Variants in PIGN observed in about 807,000 individuals in gnomAD.
The protein encoded by PIGN is phosphatidylinositol glycan anchor biosynthesis class N, also known as GPI ethanolamine phosphate transferase 1.
In PIGN, 117 loss-of-function variants were observed where a neutral mutation model predicts 125.4. That is an observed-to-expected ratio of 0.93 (90% CI 0.80 to 1.09). The LOEUF (loss-of-function observed/expected upper bound fraction) is 1.09. Ranked by LOEUF, PIGN falls within the 50% of genes least tolerant of loss-of-function variation. The pLI is 0.00. For missense variants in PIGN, 1,075 were observed against 1,094.9 expected (o/e 0.98, Z 0.26); for synonymous variants, 392 against 377.8 (o/e 1.04, Z -0.44).
chr18:62,049,782 T>C (rs1378065392), intron 30 of PIGN, among the ~76,000 whole-genome samples: 4 of 152,028 alleles, frequency 2.6e-5, no homozygotes, highest in African/African-American at 9.7e-5. Context: ...TCCATGCCTA[T>C]GTCCTGAATG....
intron 23 of PIGN, among the ~76,000 whole-genome samples, chr18:62,091,715 C>T (rs1446347703): frequency 6.6e-6 from 1 of 152,156 alleles, no homozygotes. Flanking sequence ...CTTTTCTAAA[C>T]AGTTTCCGCT....
chr18:62,054,617 G>A (rs1037853152), intron 30 of PIGN, among the ~76,000 whole-genome samples: 1 of 149,904 alleles, frequency 6.7e-6, no homozygotes, highest in Non-Finnish European at 1.5e-5. Flanking sequence ...TCAGCCTCCT[G>A]AGTAGCTGAG....
At chr18:62,079,860 T>G (rs987922983) in intron 28 of PIGN, among the ~76,000 whole-genome samples, 1 of 152,108 alleles carries the variant, frequency 6.6e-6, no homozygotes, top group Non-Finnish European at 1.5e-5. Context: ...AATTTACTTC[T>G]ACTTCATATA....
intron 14 of PIGN, among the ~76,000 whole-genome samples, chr18:62,134,438 T>C (rs2035854210): frequency 6.6e-6 from 1 of 152,034 alleles, no homozygotes; most frequent in African/African-American, 2.4e-5. Context: ...CTCTGACGAA[T>C]TCAACTAAAG....
At chr18:62,158,148 G>T in intron 4 of PIGN, 1 of 194,424 alleles carries the variant, frequency 5.1e-6, no homozygotes, top group South Asian at 1.1e-4. Context: ...ATGTTAAATT[G>T]CATTAGGTGT....
At chr18:62,058,096 G>A (rs1357655366) in intron 30 of PIGN, among the ~76,000 whole-genome samples, 1 of 151,652 alleles carries the variant, frequency 6.6e-6, no homozygotes, top group Admixed American at 6.6e-5. Flanking sequence ...GGCCTTCAAA[G>A]ACTCTTTCTT....
Position 62,139,015 on chromosome 18 carries a change from T to C in PIGN, c.1084A>G (p.Thr362Ala). 1.2e-6 allele frequency: 2 copies of C among 1,609,996 alleles called. No homozygotes were observed. The highest frequency in any genetic ancestry group is 1.7e-6 in the Non-Finnish European group (2 of 1,177,724). ...TDLFKAESMF[T>A]NAVQILEQFK... ...TGTTCAAGAATCTGTACTGCATTTG[T>C]AAACATGCTCTCTGCTTTGAAGAGA... The change falls in exon 13 of 31, where the codon ACA becomes GCA. Residue 362 changes from threonine to alanine, a missense_variant. Thr to Ala is a moderately conservative substitution (Grantham distance 58, BLOSUM62 0). Coordinates refer to ENST00000640252, the MANE Select transcript of PIGN (RefSeq NM_176787.5).
intron 28 of PIGN, among the ~76,000 whole-genome samples, chr18:62,078,047 C>T (rs1490352287): frequency 6.6e-6 from 1 of 152,152 alleles, no homozygotes; most frequent in Non-Finnish European, 1.5e-5. Context: ...TTTTAGTTAC[C>T]TATTGAAAGG....
chr18:62,114,728 T>A (rs2035022922), intron 14 of PIGN, 89 bp from the exon 15 acceptor site: 2 of 578,638 alleles, frequency 3.5e-6, no homozygotes, highest in Admixed American at 8.0e-5. Flanking sequence ...ACAAAGATAG[T>A]GAAAATTACA....
intron 23 of PIGN, among the ~76,000 whole-genome samples, chr18:62,019,463 A>G (rs1470989841): frequency 6.6e-6 from 1 of 152,388 alleles, no homozygotes; most frequent in East Asian, 1.9e-4. Context: ...AGTTAGGGGA[A>G]ATTACCTGGG....
intron 30 of PIGN, chr18:62,069,961 T>C (rs1306237427): frequency 3.3e-5 from 5 of 153,116 alleles, no homozygotes; most frequent in Admixed American, 1.3e-4. Context: ...ATGTCTAAAA[T>C]GAAAATAATC....
intron 30 of PIGN, among the ~76,000 whole-genome samples, chr18:62,065,788 T>C (rs1230475395): frequency 6.6e-6 from 1 of 151,978 alleles, no homozygotes; most frequent in Non-Finnish European, 1.5e-5. Context: ...GCTCAGTAAG[T>C]GGTTGTTGAA....
At chr18:62,148,566 G>A (rs2036420406) in intron 7 of PIGN, among the ~76,000 whole-genome samples, 3 of 152,096 alleles carry the variant, frequency 2.0e-5, no homozygotes, top group Admixed American at 2.0e-4. Flanking sequence ...AAAAAAAGAT[G>A]TTAGAAAGGG....
In PIGN at chr18:62,107,138, T is replaced by A. The variant is rs140914516; in HGVS notation, c.1575-53A>T. 1.6e-4 allele frequency: 175 copies of A among 1,111,664 alleles called. No individual in the cohort carries two copies. The African/African-American group carries it at 2.4e-3, about 15-fold the overall frequency. 68.9% of individuals were successfully genotyped at this position (1,111,664 alleles called of 1,614,324 possible). On this transcript the variant is annotated intron_variant, in intron 17 of 30. Coordinates refer to ENST00000640252, the MANE Select transcript of PIGN (RefSeq NM_176787.5). Reference sequence around the variant, plus strand: ...TTTTAAAGTTAGGTCATACATAGTATAACAATACAAACTTTGCACAAAGCT... The same window carrying A: ...TTTTAAAGTTAGGTCATACATAGTAAAACAATACAAACTTTGCACAAAGCT...
chr18:62,068,346 T>A (rs898266846), intron 30 of PIGN, among the ~76,000 whole-genome samples: 1 of 152,186 alleles, frequency 6.6e-6, no homozygotes, highest in African/African-American at 2.4e-5. Context: ...GCCATACCTG[T>A]CTGTAGTTTC....
At chr18:62,085,455 G>T (rs1392859498) in intron 25 of PIGN, among the ~76,000 whole-genome samples, 191 bp from the exon 26 acceptor site, 1 of 152,118 alleles carries the variant, frequency 6.6e-6, no homozygotes, top group Non-Finnish European at 1.5e-5. Flanking sequence ...AAGAGGCTGT[G>T]TACCGAGAAT....
At position 62,106,839 on chromosome 18, in the gene PIGN, T is replaced by G. The variant is rs2034659994; in HGVS notation, c.1717A>C (p.Thr573Pro). Residue 573 changes from threonine (T) to proline (P), a missense_variant, in exon 19 of 31, where the codon ACT (threonine) becomes CCT (proline). By Grantham distance (38) the Thr-to-Pro change is conservative (BLOSUM62 -1). This residue lies in a region of PIGN where 915 missense variants were observed against 908.7 expected (regional missense o/e 1.01). Transcript: ENST00000640252. Reference sequence around the variant, plus strand: ...AGAAATGGCCAAGCTGCAAAGGCAGTAAGTCCAGCGGTAAGCATATAGCGG... The same window carrying G: ...AGAAATGGCCAAGCTGCAAAGGCAGGAAGTCCAGCGGTAAGCATATAGCGG... The part of the protein sequence containing the change: ...FYRYMLTAGL[T>P]AFAAWPFLTR... The G allele has an allele frequency of 6.2e-7, 1 of 1,609,512 alleles. No individual in the cohort carries two copies. The highest frequency in any genetic ancestry group is 1.7e-5 in the Admixed American group (1 of 59,486).
At chr18:62,184,386 G>A (rs564898478) in intron 1 of PIGN, 52 of 152,304 alleles carry the variant, frequency 3.4e-4, no homozygotes, top group East Asian at 1.5e-3. Flanking sequence ...AAGTAGAAAG[G>A]AAATTTCCCA....
In PIGN at chr18:62,140,429, A is replaced by T; in HGVS notation, c.1014T>A (p.Leu338=). The change falls in exon 12 of 31, where the codon CTT becomes CTA. Residue 338 remains leucine (L), a synonymous_variant. Coordinates refer to ENST00000640252, the MANE Select transcript of PIGN (RefSeq NM_176787.5). ...AAATTTTATTCCTTACCACTGAGTT[A>T]AGAGGAAAGGGAACTCCAATAAGGG... The part of the protein sequence containing the change: ...MTSLIGVPFP[L]NSVGILPVDY... 1 of 1,493,704 alleles carries T rather than the reference A, an allele frequency of 6.7e-7. No individual in the cohort carries two copies. The highest frequency in any genetic ancestry group is 2.3e-5 in the East Asian group (1 of 43,400). 92.5% of individuals were successfully genotyped at this position (1,493,704 alleles called of 1,614,324 possible). A position where few individuals can be genotyped will look rare whatever the true frequency, so the allele number is the denominator to read the frequency against.
Sources: gnomAD v4.1 joint callset for allele counts (sites outside exome capture counted in the v4.1 genomes callset) on GRCh38, gnomAD v4.1.1 for gene constraint, gnomAD v4.1.1 regional missense constraint, MANE v1.5 for transcripts, NCBI Gene and HGNC (gene_info 2026-07-23, HGNC 2026-07-21) for gene names.